Variants in ANO2 observed in about 807,000 individuals in gnomAD.
ANO2 encodes anoctamin-2.
A neutral mutation model predicts 124.2 loss-of-function variants in ANO2; 101 were observed. The ratio of observed to expected loss-of-function variants is 0.81; its 90% CI spans 0.69 to 0.96. The LOEUF is 0.96. Ranked by LOEUF, ANO2 falls within the 40% of genes least tolerant of loss-of-function variation. The probability of loss-of-function intolerance (pLI) is 0.00; values close to 1 mark genes in which losing one functional copy is unlikely to be tolerated. For missense variants in ANO2, 1,293 were observed against 1,274.5 expected (o/e 1.01, Z -0.22); for synonymous variants, 486 against 482.5 (o/e 1.01, Z -0.09).
intron 14 of ANO2, among the ~76,000 whole-genome samples, chr12:5,671,255 G>C (rs537530403): frequency 8.5e-5 from 13 of 152,154 alleles, no homozygotes; most frequent in African/African-American, 3.1e-4. Flanking sequence ...GTGGACATCT[G>C]CTGAGTCCCC....
chr12:5,716,607 A>G (rs1367288210), intron 14 of ANO2, among the ~76,000 whole-genome samples: 2 of 152,166 alleles, frequency 1.3e-5, no homozygotes, highest in African/African-American at 4.8e-5. Context: ...CCTGCCACAA[A>G]TTCTCTAAAC....
At chr12:5,565,250 C>T (rs1357890136) in intron 24 of ANO2, among the ~76,000 whole-genome samples, 1 of 152,150 alleles carries the variant, frequency 6.6e-6, no homozygotes, top group Non-Finnish European at 1.5e-5. Flanking sequence ...TTCAATGGCC[C>T]TTTTCCTTTC....
intron 3 of ANO2, among the ~76,000 whole-genome samples, chr12:5,875,665 C>T (rs376768440): frequency 1.2e-4 from 19 of 152,292 alleles, no homozygotes; most frequent in African/African-American, 3.9e-4. Context: ...CACATCAGGC[C>T]GCTTGGCTCT....
At chr12:5,632,455 TTA>T (rs1945770823) in intron 16 of ANO2, among the ~76,000 whole-genome samples, 1 of 152,032 alleles carries the variant, frequency 6.6e-6, no homozygotes, top group Admixed American at 6.6e-5. Context: ...TAAAAATACT[TTA>T]TGAGTATCAC....
chr12:5,780,468 C>G (rs1952356194), intron 10 of ANO2, among the ~76,000 whole-genome samples: 1 of 152,224 alleles, frequency 6.6e-6, no homozygotes, highest in African/African-American at 2.4e-5. Context: ...GGCCTCCAAA[C>G]AGCAACGTCT....
intron 14 of ANO2, among the ~76,000 whole-genome samples, chr12:5,695,281 G>A (rs1949121393): frequency 1.3e-5 from 2 of 151,644 alleles, no homozygotes; most frequent in South Asian, 4.2e-4. Context: ...ATCAGGCAGG[G>A]TTATTTGACA....
chr12:5,720,460 A>G (rs180753614), intron 14 of ANO2, among the ~76,000 whole-genome samples: 1 of 152,328 alleles, frequency 6.6e-6, no homozygotes, highest in Non-Finnish European at 1.5e-5. Flanking sequence ...CCCAGACAGC[A>G]AAAGACAAAT....
intron 14 of ANO2, among the ~76,000 whole-genome samples, chr12:5,727,512 CAA>C (rs770431822): frequency 1.9e-4 from 21 of 109,820 alleles, no homozygotes; most frequent in South Asian, 2.9e-4. Context: ...TTAAACAAAC[CAA>C]AAAAAAAAAA....
intron 3 of ANO2, among the ~76,000 whole-genome samples, chr12:5,914,419 G>A (rs1941258260): frequency 6.6e-6 from 1 of 152,126 alleles, no homozygotes; most frequent in Non-Finnish European, 1.5e-5. Flanking sequence ...TAGGAGGAGG[G>A]AGTCTCCTCT....
intron 3 of ANO2, among the ~76,000 whole-genome samples, chr12:5,916,951 C>T (rs77422739): frequency 1.1e-4 from 16 of 152,246 alleles, no homozygotes; most frequent in African/African-American, 3.1e-4. Flanking sequence ...ACAGAGACAA[C>T]GCTGCAAGAC....
In ANO2 at chr12:5,677,003, A is replaced by G. The variant is rs1318089501; in HGVS notation, c.1546-29202T>C. 3.9e-5 allele frequency among the ~76,000 whole-genome samples: 6 copies of G among 152,248 alleles called. No homozygotes were observed. The South Asian group carries it at 1.0e-3, about 26-fold the overall frequency. ...TGGCAGGTGGAGGTTGCAGTAAGCC[A>G]AGATCATATCACTACACTCCAGCCT... On this transcript the variant is annotated intron_variant, in intron 14 of 24. Transcript: ENST00000682330.
intron 7 of ANO2, among the ~76,000 whole-genome samples, chr12:5,825,449 C>T (rs1456781626): frequency 6.6e-6 from 1 of 152,144 alleles, no homozygotes; most frequent in African/African-American, 2.4e-5. Context: ...CTCACCATCG[C>T]CCCTAGTGAT....
At chr12:5,618,761 G>A (rs1309097664) in intron 16 of ANO2, among the ~76,000 whole-genome samples, 1 of 152,166 alleles carries the variant, frequency 6.6e-6, no homozygotes, top group Non-Finnish European at 1.5e-5. Context: ...CAGGTGCCAG[G>A]CCAAAATGAA....
At chr12:5,588,899 G>A (rs1342985384) in intron 20 of ANO2, among the ~76,000 whole-genome samples, 1 of 152,144 alleles carries the variant, frequency 6.6e-6, no homozygotes, top group Non-Finnish European at 1.5e-5. Context: ...ACGACGCCAT[G>A]CCCTAGGCCA....
chr12:5,755,341 T>G (rs936600493), intron 10 of ANO2, among the ~76,000 whole-genome samples: 1 of 151,026 alleles, frequency 6.6e-6, no homozygotes, highest in Admixed American at 6.6e-5. Context: ...ACTTGACTTT[T>G]GAGAATTCAA....
intron 10 of ANO2, among the ~76,000 whole-genome samples, chr12:5,775,458 A>G (rs988283603): frequency 4.8e-5 from 7 of 147,238 alleles, no homozygotes; most frequent in African/African-American, 1.5e-4. Flanking sequence ...AGCACCATCA[A>G]TCCTTTTTTT....
At chr12:5,611,430 C>T (rs1346483580) in intron 19 of ANO2, among the ~76,000 whole-genome samples, 5 of 152,158 alleles carry the variant, frequency 3.3e-5, no homozygotes, top group African/African-American at 7.2e-5. Context: ...GCCGTTTCAT[C>T]TACATTTTTC....
At chr12:5,755,779 C>G (rs1696887859) in intron 10 of ANO2, among the ~76,000 whole-genome samples, 1 of 152,104 alleles carries the variant, frequency 6.6e-6, no homozygotes, top group South Asian at 2.1e-4. Flanking sequence ...TGTATATGTG[C>G]CACATTTTCT....
chr12:5,790,923 G>A (rs1050313662), intron 10 of ANO2, among the ~76,000 whole-genome samples: 1 of 152,034 alleles, frequency 6.6e-6, no homozygotes, highest in Admixed American at 6.5e-5. Flanking sequence ...TTTTCATGAC[G>A]TCCCCAAACA....
Sources: allele counts gnomAD v4.1 joint callset (sites outside exome capture counted in the v4.1 genomes callset), GRCh38; gene constraint gnomAD v4.1.1; transcripts MANE v1.5; gene names NCBI Gene and HGNC (gene_info 2026-07-23, HGNC 2026-07-21).